EIF5B: variants seen among roughly 807,000 people sequenced by gnomAD.
The protein encoded by EIF5B is eukaryotic translation initiation factor 5B, also known as eIF-5B.
Under a neutral mutation model 147.5 loss-of-function variants are expected in EIF5B, and 47 were observed. The ratio of observed to expected loss-of-function variants is 0.32; its 90% CI spans 0.25 to 0.41. The LOEUF (loss-of-function observed/expected upper bound fraction) is 0.41. Among genes scored for constraint, EIF5B ranks in the 10% least tolerant of loss-of-function variants. The probability of loss-of-function intolerance (pLI) is 1.00; values close to 1 mark genes in which losing one functional copy is unlikely to be tolerated. For missense variants in EIF5B, 1,064 were observed against 1,413.2 expected, an observed-to-expected ratio of 0.75 and a Z score of 3.96; for synonymous variants, 455 against 456.2, an observed-to-expected ratio of 1.00 and a Z score of 0.03.
intron 5 of EIF5B, among the ~76,000 whole-genome samples, 195 bp downstream of exon 5, chr2:99,364,057 C>G (rs1488419034): frequency 1.3e-5 from 2 of 151,976 alleles, no homozygotes; most frequent in African/African-American, 4.8e-5. Context: ...ACAGATTGCT[C>G]GATACATAAG....
At position 99,390,373 on chromosome 2, in the gene EIF5B, G is replaced by A. The variant is rs977487582; in HGVS notation, c.2558G>A (p.Cys853Tyr). 2 of 1,613,316 alleles carry A rather than the reference G, an allele frequency of 1.2e-6. No individual in the cohort carries two copies. Among genetic ancestry groups the A allele is most frequent in the African/African-American group, 1.3e-5 (1 of 74,672 alleles). ...ATGTTGAGCAAGAGACTTGCACACT[G>A]TGAAGAGCTGAGAGCACAGGTGATG... ...QTMLSKRLAH[C>Y]EELRAQVMEV... Residue 853 changes from cysteine to tyrosine, a missense_variant, in exon 16 of 24, where the codon TGT (cysteine) becomes TAT (tyrosine). Physicochemically the swap from Cys to Tyr is radical, Grantham distance 194 (BLOSUM62 -2). Around this residue, in one of 4 missense-constraint regions of EIF5B, gnomAD observed 380 missense variants for 715.6 expected, o/e 0.53. Transcript: ENST00000289371.
At chr2:99,375,869 C>T (rs1021088185) in intron 9 of EIF5B, among the ~76,000 whole-genome samples, 14 of 152,144 alleles carry the variant, frequency 9.2e-5, no homozygotes, top group Admixed American at 5.9e-4. Context: ...CACTACGTGA[C>T]GCTCAAAGGA....
At chr2:99,386,163 C>T (rs188295909) in intron 14 of EIF5B, among the ~76,000 whole-genome samples, 1 of 152,236 alleles carries the variant, frequency 6.6e-6, no homozygotes, top group Non-Finnish European at 1.5e-5. Flanking sequence ...GAATACTCGC[C>T]CTACCTCCAG....
At chr2:99,364,959 G>A (rs1319928038) in intron 6 of EIF5B, among the ~76,000 whole-genome samples, 1 of 152,040 alleles carries the variant, frequency 6.6e-6, no homozygotes, top group South Asian at 2.1e-4. Flanking sequence ...ACCTGGAATC[G>A]GTTGTTTATC....
intron 8 of EIF5B, among the ~76,000 whole-genome samples, chr2:99,370,937 G>A (rs1351834308): frequency 6.6e-6 from 1 of 152,116 alleles, no homozygotes; most frequent in Non-Finnish European, 1.5e-5. Context: ...TACCTGTAAA[G>A]GTTAAAAGCA....
At chr2:99,342,793 A>G (rs1456670411) in intron 1 of EIF5B, among the ~76,000 whole-genome samples, 2 of 151,838 alleles carry the variant, frequency 1.3e-5, no homozygotes, top group Admixed American at 1.3e-4. Context: ...CACTGTACTC[A>G]GCTAATTTTT....
chr2:99,376,575 A>T lies in EIF5B; in HGVS notation c.1781A>T (p.Asp594Val). 18 of 1,613,918 alleles carry T rather than the reference A, an allele frequency of 1.1e-5. No homozygotes were observed. The highest frequency in any genetic ancestry group is 1.5e-5 in the Non-Finnish European group (18 of 1,179,956). Residue 594 changes from aspartate (D) to valine (V), a missense_variant, in exon 10 of 24, where the codon GAC becomes GTC. Around this residue, in one of 4 missense-constraint regions of EIF5B, gnomAD observed 195 missense variants for 186.3 expected, o/e 1.05. Coordinates refer to ENST00000289371, the MANE Select transcript of EIF5B (RefSeq NM_015904.4). ...SKEMSSDSEY[D>V]SDDDRTKEER... ...GAAATGAGCTCAGATTCTGAATATGACTCTGATGATGATCGGACTAAAGAA... is the reference window on the plus strand; with the variant it reads ...GAAATGAGCTCAGATTCTGAATATGTCTCTGATGATGATCGGACTAAAGAA...
Position 99,371,653 on chromosome 2 carries a change from C to A in EIF5B, c.1478-3C>A. 1 of 1,608,294 alleles carries A rather than the reference C, an allele frequency of 6.2e-7. No homozygotes were observed. Among genetic ancestry groups the A allele is most frequent in the South Asian group, 1.1e-5 (1 of 89,222 alleles). The stretch of plus-strand genomic sequence containing the variant: ...TGTCTTAAATGCAAATTTTTACTTA[C>A]AGAAGAAGAAGAAGATACTGAGGAT... On this transcript the variant is annotated splice_polypyrimidine_tract_variant and splice_region_variant and intron_variant, in intron 8 of 23. Coordinates refer to ENST00000289371, the MANE Select transcript of EIF5B (RefSeq NM_015904.4).
chr2:99,379,720 C>G (rs562348534), intron 12 of EIF5B, among the ~76,000 whole-genome samples: 8 of 152,270 alleles, frequency 5.3e-5, no homozygotes, highest in Non-Finnish European at 1.2e-4. Context: ...CATTTATCCC[C>G]ATAATTTAAA....
At chr2:99,397,225 T>G (rs1222367283) in intron 22 of EIF5B, 2 of 184,162 alleles carry the variant, frequency 1.1e-5, no homozygotes, top group African/African-American at 4.7e-5. Flanking sequence ...CCTTTTATTT[T>G]ATTTTGAAAG....
chr2:99,369,575 A>G, intron 8 of EIF5B, 94 bp downstream of exon 8: 1 of 979,010 alleles, frequency 1.0e-6, no homozygotes, highest in South Asian at 1.7e-5. Flanking sequence ...ATAATTGGGG[A>G]GAACCAAATA....
intron 1 of EIF5B, among the ~76,000 whole-genome samples, chr2:99,338,777 T>C (rs759886880): frequency 6.6e-6 from 1 of 151,892 alleles, no homozygotes; most frequent in Non-Finnish European, 1.5e-5. Context: ...TTTTGATGTA[T>C]AGGGTACTTT....
intron 17 of EIF5B, 35 bp downstream of exon 17, chr2:99,390,740 C>CT: frequency 6.3e-7 from 1 of 1,575,714 alleles, no homozygotes; most frequent in Non-Finnish European, 8.7e-7. Flanking sequence ...CACGTGGGGA[C>CT]TTGTACAGTG....
chr2:99,345,909 A>C (rs2094272336), intron 1 of EIF5B, among the ~76,000 whole-genome samples: 1 of 150,576 alleles, frequency 6.6e-6, no homozygotes, highest in Non-Finnish European at 1.5e-5. Flanking sequence ...GTGCCACTGC[A>C]CTTCAGCCTG....
chr2:99,367,031 A>T (rs1037769273), intron 6 of EIF5B, among the ~76,000 whole-genome samples: 1 of 152,228 alleles, frequency 6.6e-6, no homozygotes, highest in Non-Finnish European at 1.5e-5. Flanking sequence ...CTGTATAAAA[A>T]TTGACCCAAA....
rs1190713323 is a variant in EIF5B at position 99,389,831 on chromosome 2, T to C, written c.2385T>C (p.Ile795=). The change falls in exon 15 of 24, where the codon ATT becomes ATC. Residue 795 remains isoleucine (I), a synonymous_variant. Coordinates refer to ENST00000289371, the MANE Select transcript of EIF5B (RefSeq NM_015904.4). ...DEFEERAKAI[I]VEFAQQGLNA... ...TTGAGGAGCGAGCAAAGGCTATTAT[T>C]GTAGAATTTGCACAGCAGGTAAGAA... 4 of 1,610,866 alleles carry C rather than the reference T, an allele frequency of 2.5e-6. No individual in the cohort carries two copies. The highest frequency in any genetic ancestry group is 3.4e-6 in the Non-Finnish European group (4 of 1,179,092).
intron 4 of EIF5B, 106 bp from the exon 5 acceptor site, chr2:99,363,539 C>G: frequency 8.9e-7 from 1 of 1,121,072 alleles, no homozygotes; most frequent in Non-Finnish European, 1.3e-6. Context: ...CTGCTGGCAT[C>G]GGCCTTGGCC....
Position 99,338,993 on chromosome 2 carries a change from A to AATACATATATATACAAATATAT in EIF5B, c.35+1407_35+1408insCATATATATACAAATATATATA, listed in dbSNP as rs2094252141. Among the ~76,000 whole-genome samples the AATACATATATATACAAATATAT allele has an allele frequency of 2.3e-5, 3 of 132,726 alleles. 1 individual carries two copies. The highest frequency in any genetic ancestry group is 4.8e-5 in the Non-Finnish European group (3 of 62,586). The allele number at this position is 132,726 out of a possible 152,430, so 87.1% of individuals were successfully genotyped here. A position where few individuals can be genotyped will look rare whatever the true frequency, so the allele number is the denominator to read the frequency against. ...ATATATATATACAAATATATACACA[A>AATACATATATATACAAATATAT]ATATATATATACATTTTTTTTTTTT... is the stretch of plus-strand genomic sequence containing the variant. On this transcript the variant is annotated intron_variant, in intron 1 of 23. Coordinates refer to ENST00000289371, the MANE Select transcript of EIF5B (RefSeq NM_015904.4).
At chr2:99,394,227 G>A in intron 18 of EIF5B, 40 bp from the exon 19 acceptor site, 1 of 1,582,108 alleles carries the variant, frequency 6.3e-7, no homozygotes. Flanking sequence ...TGAGGATAGA[G>A]GTGTGTTGAC....
Sources: allele counts gnomAD v4.1 joint callset (sites outside exome capture counted in the v4.1 genomes callset), GRCh38; gene constraint gnomAD v4.1.1; regional missense constraint gnomAD v4.1.1; transcripts MANE v1.5; gene names NCBI Gene and HGNC (gene_info 2026-07-23, HGNC 2026-07-21).